The following PDE4B variants were observed in gnomAD, a reference collection of about 807,000 sequenced individuals.
PDE4B encodes the protein 3',5'-cyclic-AMP phosphodiesterase 4B.
Under a neutral mutation model 82.2 loss-of-function variants are expected in PDE4B, and 20 were observed. That is an observed-to-expected ratio of 0.24 (90% CI 0.17 to 0.35). The LOEUF is 0.35. Among genes scored for constraint, PDE4B ranks in the 10% least tolerant of loss-of-function variants. The pLI is 1.00. For missense variants in PDE4B, 655 were observed against 907.2 expected (o/e 0.72, Z 3.57); for synonymous variants, 320 against 318.9 (o/e 1.00, Z -0.04).
chr1:65,795,510 G>C (rs946561683), intron 1 of PDE4B, among the ~76,000 whole-genome samples: 4 of 152,172 alleles, frequency 2.6e-5, no homozygotes. Flanking sequence ...CTTCAAGGAG[G>C]GACTTGTTGC....
chr1:66,371,523 A>G (rs976726814), intron 16 of PDE4B, among the ~76,000 whole-genome samples: 1 of 152,314 alleles, frequency 6.6e-6, no homozygotes, highest in East Asian at 1.9e-4. Context: ...CTGGTATTTA[A>G]TCACAGGAAC....
chr1:66,026,554 A>G (rs1156669041), intron 3 of PDE4B, among the ~76,000 whole-genome samples: 1 of 152,184 alleles, frequency 6.6e-6, no homozygotes, highest in Admixed American at 6.5e-5. Context: ...ATGAGGTAAT[A>G]ATAACACTTA....
At chr1:65,977,170 G>T (rs746261749) in intron 3 of PDE4B, among the ~76,000 whole-genome samples, 8 of 152,194 alleles carry the variant, frequency 5.3e-5, no homozygotes, top group Non-Finnish European at 1.0e-4. Context: ...AAACATGGCA[G>T]AATGCAGTGG....
chr1:66,206,235 G>C (rs1311256935), intron 3 of PDE4B, among the ~76,000 whole-genome samples: 2 of 152,092 alleles, frequency 1.3e-5, no homozygotes, highest in African/African-American at 4.8e-5. Flanking sequence ...GGGAAACTTG[G>C]AATTTACCCT....
intron 3 of PDE4B, among the ~76,000 whole-genome samples, chr1:66,039,228 GA>G (rs1317441106): frequency 6.6e-6 from 1 of 152,106 alleles, no homozygotes; most frequent in Admixed American, 6.6e-5. Context: ...GTGCCTAGAT[GA>G]AGAGAATCAA....
intron 7 of PDE4B, among the ~76,000 whole-genome samples, chr1:66,326,044 G>T (rs1454954131): frequency 6.6e-6 from 1 of 152,148 alleles, no homozygotes; most frequent in African/African-American, 2.4e-5. Flanking sequence ...AGTTAGTAGG[G>T]CATCCTGGTC....
chr1:66,265,481 C>T (rs61173921), intron 6 of PDE4B, among the ~76,000 whole-genome samples: 1,673 of 152,224 alleles, frequency 0.011, 25 homozygotes, highest in African/African-American at 0.036. Context: ...TGTAGAATGA[C>T]GTCCCAGTTC....
chr1:66,013,969 T>G (rs984687521), intron 3 of PDE4B, among the ~76,000 whole-genome samples: 1 of 152,174 alleles, frequency 6.6e-6, no homozygotes, highest in African/African-American at 2.4e-5. Flanking sequence ...TTTCTGTTAT[T>G]TTTTTCTGAT....
intron 1 of PDE4B, among the ~76,000 whole-genome samples, chr1:65,817,468 A>G (rs914561243): frequency 8.5e-5 from 13 of 152,200 alleles, no homozygotes; most frequent in African/African-American, 3.1e-4. Flanking sequence ...TGGCTTGCTG[A>G]TGGGGTCCCA....
rs145245697 is a variant in PDE4B, at chr1:66,015,388, A to G, written c.281+96553A>G. ...TTACTTTATAATAAATAGTTAATTTATAACACCCAGGCTTGTGTTTAAAAT... is the reference window on the plus strand; with the variant it reads ...TTACTTTATAATAAATAGTTAATTTGTAACACCCAGGCTTGTGTTTAAAAT... On this transcript the variant is annotated intron_variant, in intron 3 of 16. Transcript: ENST00000341517. Among the ~76,000 whole-genome samples the G allele has an allele frequency of 4.9e-4, 75 of 152,286 alleles. 1 individual carries two copies. The East Asian group carries it at 0.013, about 27-fold the overall frequency.
intron 3 of PDE4B, among the ~76,000 whole-genome samples, chr1:66,045,090 T>G (rs1654616399): frequency 6.6e-6 from 1 of 151,802 alleles, no homozygotes; most frequent in South Asian, 2.1e-4. Context: ...AAACTCCTGC[T>G]CAATGCATGA....
intron 3 of PDE4B, among the ~76,000 whole-genome samples, chr1:66,045,837 A>G (rs945518855): frequency 2.0e-5 from 3 of 151,842 alleles, no homozygotes; most frequent in African/African-American, 7.2e-5. Flanking sequence ...GAGATGTGCA[A>G]ATAAATGCTG....
At chr1:65,829,047 T>A (rs1646051190) in intron 1 of PDE4B, among the ~76,000 whole-genome samples, 1 of 152,030 alleles carries the variant, frequency 6.6e-6, no homozygotes, top group East Asian at 1.9e-4. Context: ...TCCATCTGTA[T>A]GCAATGTACG....
intron 7 of PDE4B, among the ~76,000 whole-genome samples, chr1:66,295,321 A>G (rs1420477788): frequency 1.3e-5 from 2 of 152,166 alleles, no homozygotes; most frequent in Non-Finnish European, 2.9e-5. Context: ...ATTTTACATT[A>G]AGACTCAGCC....
chr1:65,837,200 A>G (rs1047838778), intron 1 of PDE4B, among the ~76,000 whole-genome samples: 3 of 152,116 alleles, frequency 2.0e-5, no homozygotes, highest in Non-Finnish European at 2.9e-5. Context: ...GATTATTTAT[A>G]TATCATGTAT....
intron 3 of PDE4B, among the ~76,000 whole-genome samples, chr1:66,134,141 C>G (rs563255959): frequency 6.6e-6 from 1 of 152,052 alleles, no homozygotes; most frequent in South Asian, 2.1e-4. Context: ...ACCAAAAGAA[C>G]AGTTTTCTTG....
intron 8 of PDE4B, among the ~76,000 whole-genome samples, chr1:66,338,459 G>C (rs190342743): frequency 6.6e-6 from 1 of 152,250 alleles, no homozygotes; most frequent in Admixed American, 6.5e-5. Flanking sequence ...ATTGCCCTAA[G>C]CTCAGTCTTC....
In PDE4B at chr1:65,918,688, G is replaced by A; in HGVS notation, c.134G>A (p.Cys45Tyr). 6.2e-7 allele frequency: 1 copy of A among 1,613,736 alleles called. No homozygotes were observed. The highest frequency in any genetic ancestry group is 8.5e-7 in the Non-Finnish European group (1 of 1,179,658). Residue 45 changes from cysteine to tyrosine, a missense_variant, in exon 3 of 17, where the codon TGT becomes TAT. Coordinates refer to ENST00000341517, the MANE Select transcript of PDE4B (RefSeq NM_002600.4). Reference sequence around the variant, plus strand: ...ATCGACCTCTGGAGAGGGAGAAGGTGTTGCTCAGGAAACTTACAGTTACCA... The same window carrying A: ...ATCGACCTCTGGAGAGGGAGAAGGTATTGCTCAGGAAACTTACAGTTACCA... The part of the protein sequence containing the change: ...LGIDLWRGRR[C>Y]CSGNLQLPPL...
chr1:66,036,427 A>G (rs1289089778), intron 3 of PDE4B, among the ~76,000 whole-genome samples: 2 of 152,088 alleles, frequency 1.3e-5, no homozygotes, highest in Admixed American at 1.3e-4. Flanking sequence ...TCCCCTAAGT[A>G]CTTTTTAGTA....
Sources: gnomAD v4.1 joint callset for allele counts (sites outside exome capture counted in the v4.1 genomes callset) on GRCh38, gnomAD v4.1.1 for gene constraint, MANE v1.5 for transcripts, NCBI Gene and HGNC (gene_info 2026-07-23, HGNC 2026-07-21) for gene names.